SUN1: variants seen among roughly 807,000 people sequenced by gnomAD.
SUN1 encodes the protein Sad1 and UNC84 domain containing 1.
In SUN1, 61 loss-of-function variants were observed where a neutral mutation model predicts 103.2. That is an observed-to-expected ratio of 0.59 (90% CI 0.48 to 0.73). The LOEUF (loss-of-function observed/expected upper bound fraction) is 0.73, where lower values mean the gene tolerates loss of function less well. Among genes scored for constraint, SUN1 ranks in the 30% least tolerant of loss-of-function variants. The probability of loss-of-function intolerance (pLI) is 0.00; values close to 1 mark genes in which losing one functional copy is unlikely to be tolerated. For missense variants in SUN1, 1,052 were observed against 1,034.6 expected (o/e 1.02, Z -0.23); for synonymous variants, 490 against 425.7 (o/e 1.15, Z -1.86).
At chr7:818,961 T>C (rs1312120931) in intron 1 of SUN1, among the ~76,000 whole-genome samples, 1 of 150,638 alleles carries the variant, frequency 6.6e-6, no homozygotes, top group Non-Finnish European at 1.5e-5. Context: ...CCTCCCGGGC[T>C]CAAGCGATTC....
At chr7:849,558 G>T (rs780810900) in intron 5 of SUN1, 2 of 1,406,660 alleles carry the variant, frequency 1.4e-6, no homozygotes, top group South Asian at 2.3e-5. Flanking sequence ...TGTGAGAGAG[G>T]TTCTCAGAGA....
chr7:849,252 C>T (rs1239643716), intron 5 of SUN1, among the ~76,000 whole-genome samples: 1 of 152,262 alleles, frequency 6.6e-6, no homozygotes, highest in Non-Finnish European at 1.5e-5. Flanking sequence ...CTGCGCCCAA[C>T]CCAGAACTAT....
At position 851,454 on chromosome 7, in the gene SUN1, G is replaced by A. The variant is rs770542036; in HGVS notation, c.729G>A (p.Ser243=). 3.2e-5 allele frequency: 52 copies of A among 1,609,072 alleles called. No individual in the cohort carries two copies. In the East Asian group the frequency reaches 6.0e-4, roughly 19 times the overall value. Reference sequence around the variant, plus strand: ...AGGCTGTGTCCAGGACGGCGTGGTCGGCCCTTTGGCTGGCCGTGGTTGCTC... The same window carrying A: ...AGGCTGTGTCCAGGACGGCGTGGTCAGCCCTTTGGCTGGCCGTGGTTGCTC... The part of the protein sequence containing the change: ...VGQAVSRTAW[S]ALWLAVVAPG... Residue 243 remains serine, a synonymous_variant, in exon 6 of 19, where the codon TCG becomes TCA. Coordinates refer to ENST00000401592, the MANE Select transcript of SUN1 (RefSeq NM_001130965.3).
At chr7:858,855 C>G (rs1311264321) in intron 13 of SUN1, among the ~76,000 whole-genome samples, 1 of 152,108 alleles carries the variant, frequency 6.6e-6, no homozygotes, top group Non-Finnish European at 1.5e-5. Flanking sequence ...GCAGTGGTGA[C>G]AGAGAAAGCA....
intron 1 of SUN1, among the ~76,000 whole-genome samples, chr7:823,617 T>C (rs1788505818): frequency 6.6e-6 from 1 of 152,112 alleles, no homozygotes; most frequent in Non-Finnish European, 1.5e-5. Context: ...ACCAGTGCCG[T>C]GTGTGCAGGC....
intron 2 of SUN1, among the ~76,000 whole-genome samples, chr7:840,912 A>T (rs573769045): frequency 2.6e-5 from 4 of 152,074 alleles, no homozygotes; most frequent in Admixed American, 2.6e-4. Flanking sequence ...AAGTGCTGGG[A>T]TTACAGGCAT....
rs1836255148 is a variant in SUN1, at chr7:866,079, C to T, written c.1980+12C>T. ...GCGTGGTCATCCAGGTGAGTGGCCG[C>T]CGGTGGCCGGAGCTGCTCCTCTTCA... On this transcript the variant is annotated intron_variant, in intron 16 of 18. Coordinates refer to ENST00000401592, the MANE Select transcript of SUN1 (RefSeq NM_001130965.3). 3 of 1,612,170 alleles carry T rather than the reference C, an allele frequency of 1.9e-6. No homozygotes were observed. Among genetic ancestry groups the T allele is most frequent in the Admixed American group, 1.7e-5 (1 of 60,002 alleles).
intron 1 of SUN1, among the ~76,000 whole-genome samples, chr7:817,799 A>C (rs1412377280): frequency 6.6e-6 from 1 of 151,996 alleles, no homozygotes; most frequent in Non-Finnish European, 1.5e-5. Context: ...TTATTTCTCT[A>C]ATAATTTCCT....
intron 1 of SUN1, among the ~76,000 whole-genome samples, chr7:818,697 CTTAG>C (rs1388170953): frequency 6.6e-6 from 1 of 152,166 alleles, no homozygotes; most frequent in Non-Finnish European, 1.5e-5. Flanking sequence ...CCCCCCAACA[CTTAG>C]TTTCCAAAAA....
At position 835,258 on chromosome 7, in the gene SUN1, C is replaced by T. The variant is rs879402219; in HGVS notation, c.77+2657C>T. Among the ~76,000 whole-genome samples, 10 of 152,224 alleles carry T rather than the reference C, an allele frequency of 6.6e-5. 1 individual carries two copies. Among genetic ancestry groups the T allele is most frequent in the South Asian group, 4.1e-4 (2 of 4,834 alleles). ...GCTTCAGTTCACGGGTTCCCCAGCC[C>T]GCTGTCCTGCACCAGTGGCCTGGCA... On this transcript the variant is annotated intron_variant, in intron 1 of 18. Coordinates refer to ENST00000401592, the MANE Select transcript of SUN1 (RefSeq NM_001130965.3).
At chr7:870,144 G>A (rs1318274574) in intron 17 of SUN1, among the ~76,000 whole-genome samples, 5 of 150,130 alleles carry the variant, frequency 3.3e-5, no homozygotes, top group Non-Finnish European at 5.9e-5. Flanking sequence ...GGTGGAGGTT[G>A]CCGTGAGCTG....
chr7:830,849 C>T (rs1479817275), upstream of SUN1: 1 of 710,382 alleles, frequency 1.4e-6, no homozygotes, highest in African/African-American at 1.9e-5. Flanking sequence ...CTGAGCCCAG[C>T]TTTGGGTTGT....
In SUN1 at chr7:852,890, C is replaced by T. The variant is rs780354568; in HGVS notation, c.991C>T (p.Arg331Trp). The change falls in exon 9 of 19, where the codon CGG becomes TGG. Residue 331 changes from arginine to tryptophan, a missense_variant. By Grantham distance (101) the Arg-to-Trp change is moderately radical. Coordinates refer to ENST00000401592, the MANE Select transcript of SUN1 (RefSeq NM_001130965.3). The stretch of plus-strand genomic sequence containing the variant: ...CTGGGCAAGCATGCATAGAACACAG[C>T]GGGTGGATGACCCCCAGGACGTGTT... ...LNWASMHRTQRVDDPQDVFKP... is the reference protein window; with the variant it reads ...LNWASMHRTQWVDDPQDVFKP... 1.2e-5 allele frequency: 20 copies of T among 1,613,964 alleles called. No homozygotes were observed. The highest frequency in any genetic ancestry group is 8.8e-5 in the South Asian group (8 of 91,078).
chr7:848,727 G>T (rs1818977776), intron 5 of SUN1: 1 of 654,966 alleles, frequency 1.5e-6, no homozygotes, highest in Non-Finnish European at 2.2e-6. Flanking sequence ...CTGTGGTCTT[G>T]GTGCTGGCTC....
chr7:838,714 C>A, intron 1 of SUN1, 84 bp from the exon 2 acceptor site: 2 of 1,333,328 alleles, frequency 1.5e-6, no homozygotes, highest in Non-Finnish European at 2.0e-6. Flanking sequence ...CAGTACATTG[C>A]ACTTTCAGTT....
chr7:855,800 A>G (rs1350769089), intron 11 of SUN1, among the ~76,000 whole-genome samples: 3 of 136,740 alleles, frequency 2.2e-5, no homozygotes, highest in African/African-American at 5.6e-5. Flanking sequence ...TCCTCTGTCC[A>G]CCCGAGAGGG....
At chr7:856,327 G>A in intron 11 of SUN1, 31 bp from the exon 12 acceptor site, 1 of 1,608,630 alleles carries the variant, frequency 6.2e-7, no homozygotes, top group South Asian at 1.1e-5. Context: ...TAACTTATGT[G>A]TTTCAGTAGA....
intron 1 of SUN1, among the ~76,000 whole-genome samples, chr7:824,623 C>T (rs942498129): frequency 6.6e-6 from 1 of 152,164 alleles, no homozygotes; most frequent in Non-Finnish European, 1.5e-5. Context: ...ATTCAGTGCC[C>T]TTATGGTAAG....
chr7:855,128 A>G (rs1825914533), intron 11 of SUN1, 122 bp downstream of exon 11: 4 of 767,594 alleles, frequency 5.2e-6, no homozygotes, highest in South Asian at 1.8e-5. Flanking sequence ...TGTTTTGTGT[A>G]AAATGGAAAG....
Sources: allele counts gnomAD v4.1 joint callset (sites outside exome capture counted in the v4.1 genomes callset), GRCh38; gene constraint gnomAD v4.1.1; transcripts MANE v1.5; gene names NCBI Gene and HGNC (gene_info 2026-07-23, HGNC 2026-07-21).